ACVRL1: variants seen among roughly 807,000 people sequenced by gnomAD.
ACVRL1 encodes the protein activin receptor type-1-like.
ACVRL1 carries 20 observed loss-of-function variants against 51.9 expected under a neutral mutation model. The observed-to-expected ratio is 0.39, with a 90% CI of 0.27 to 0.56. The LOEUF (loss-of-function observed/expected upper bound fraction) is 0.56. ACVRL1 is among the 20% of genes least tolerant of loss of function. The pLI is 0.67. For missense variants in ACVRL1, 451 were observed against 670.3 expected (o/e 0.67, Z 3.61); for synonymous variants, 288 against 280.9 (o/e 1.03, Z -0.25).
rs1335166835 is a variant in ACVRL1 at position 51,922,903 on chromosome 12, A to G, written c.*2010A>G. On this transcript the variant is annotated 3_prime_UTR_variant, in exon 10 of 10. Transcript: ENST00000388922. The stretch of plus-strand genomic sequence containing the variant: ...TGCAAGGCTCGGAAGAGAACCAGGA[A>G]GTGAAACTGGGTGAAAACAGAAAGC... 2.0e-5 allele frequency: 3 copies of G among 152,664 alleles called. No homozygotes were observed. Among genetic ancestry groups the G allele is most frequent in the African/African-American group, 7.2e-5 (3 of 41,430 alleles). 9.5% of individuals were successfully genotyped at this position (152,664 alleles called of 1,614,324 possible).
intron 8 of ACVRL1, among the ~76,000 whole-genome samples, chr12:51,918,235 T>A (rs1251008868): frequency 6.6e-6 from 1 of 152,232 alleles, no homozygotes; most frequent in Admixed American, 6.5e-5. Flanking sequence ...TCCCTGACAC[T>A]GGGTGATGTT....
intron 1 of ACVRL1, among the ~76,000 whole-genome samples, chr12:51,909,462 C>G (rs11169952): frequency 0.066 from 10,095 of 152,146 alleles, 540 homozygotes; most frequent in Non-Finnish European, 0.095. Context: ...CCACTGCACT[C>G]CAGCCTGGGC....
rs1166408521 is a variant in ACVRL1 at position 51,920,941 on chromosome 12, G to T, written c.*48G>T. 1.6e-6 allele frequency: 1 copy of T among 624,788 alleles called. No homozygotes were observed. The highest frequency in any genetic ancestry group is 3.0e-6 in the Non-Finnish European group (1 of 338,010). 38.7% of individuals were successfully genotyped at this position (624,788 alleles called of 1,614,324 possible). A position where few individuals can be genotyped will look rare whatever the true frequency, so the allele number is the denominator to read the frequency against. ...CTGCCTGCAGGGGGCTGGGGGGGTG[G>T]GGGGCAGTGGATGGTGCCCTATCTG... is the stretch of plus-strand genomic sequence containing the variant. On this transcript the variant is annotated 3_prime_UTR_variant, in exon 10 of 10. Coordinates refer to ENST00000388922, the MANE Select transcript of ACVRL1 (RefSeq NM_000020.3).
chr12:51,913,115 G>T lies in ACVRL1; in HGVS notation c.78G>T (p.Pro26=). The T allele has an allele frequency of 3.7e-6, 6 of 1,605,542 alleles. No individual in the cohort carries two copies. The highest frequency in any genetic ancestry group is 5.1e-6 in the Non-Finnish European group (6 of 1,179,192). Residue 26 remains proline (P), a synonymous_variant, in exon 3 of 10, where the codon CCG becomes CCT. Transcript: ENST00000388922. Reference sequence around the variant, plus strand: ...GTCTTCCAGGAGACCCTGTGAAGCCGTCTCGGGGCCCGCTGGTGACCTGCA... The same window carrying T: ...GTCTTCCAGGAGACCCTGTGAAGCCTTCTCGGGGCCCGCTGGTGACCTGCA... The part of the protein sequence containing the change: ...ALVTQGDPVK[P]SRGPLVTCTC...
At chr12:51,907,168 C>A (rs1370545973), upstream of ACVRL1, among the ~76,000 whole-genome samples, 1 of 152,108 alleles carries the variant, frequency 6.6e-6, no homozygotes, top group Non-Finnish European at 1.5e-5. This position sits in a 1 kb window ranked among gnomAD's most constrained non-coding sequence, Gnocchi z 4.5. Flanking sequence ...CTGTCTCCCA[C>A]GGCTGTGGGT....
At chr12:51,919,219 A>G (rs778310427) in intron 9 of ACVRL1, 104 bp downstream of exon 9, 96 of 1,557,640 alleles carry the variant, frequency 6.2e-5, no homozygotes, top group Non-Finnish European at 8.0e-5. Context: ...TCTCATAGAT[A>G]CTGAGTGTCC....
chr12:51,913,068 A>T (rs778150291), intron 2 of ACVRL1, 31 bp from the exon 3 acceptor site: 7 of 1,594,014 alleles, frequency 4.4e-6, no homozygotes, highest in Non-Finnish European at 5.9e-6. Flanking sequence ...AGCTGGGACC[A>T]CAGTGGCTGA....
In ACVRL1 at chr12:51,917,637, C is replaced by T. The variant is rs540578121; in HGVS notation, c.1247-1348C>T. Among the ~76,000 whole-genome samples, 26 of 152,264 alleles carry T rather than the reference C, an allele frequency of 1.7e-4. No homozygotes were observed. Among genetic ancestry groups the T allele is most frequent in the African/African-American group, 5.3e-4 (22 of 41,554 alleles). On this transcript the variant is annotated intron_variant, in intron 8 of 9. Transcript: ENST00000388922. This position sits in a 1 kb window ranked among gnomAD's most constrained non-coding sequence, Gnocchi z 4.2. ...CCCCATGCCAGACTTCATTTGTCCTCGGTGGTCATCAACTGAAAACAGAGG... is the reference window on the plus strand; with the variant it reads ...CCCCATGCCAGACTTCATTTGTCCTTGGTGGTCATCAACTGAAAACAGAGG...
At position 51,917,682 on chromosome 12, in the gene ACVRL1, T is replaced by C. The variant is rs923841940; in HGVS notation, c.1247-1303T>C. On this transcript the variant is annotated intron_variant, in intron 8 of 9. Transcript: ENST00000388922. The surrounding 1 kb of genome is among the most constrained non-coding windows in gnomAD (Gnocchi z 4.2). Reference sequence around the variant, plus strand: ...CAGAGGCTGTGGTGTCACCGGTCCCTTGGGGAGACTCACGAGGTGCTTAGA... The same window carrying C: ...CAGAGGCTGTGGTGTCACCGGTCCCCTGGGGAGACTCACGAGGTGCTTAGA... 1.3e-5 allele frequency among the ~76,000 whole-genome samples: 2 copies of C among 152,090 alleles called. No homozygotes were observed. The highest frequency in any genetic ancestry group is 4.8e-5 in the African/African-American group (2 of 41,410).
At chr12:51,908,362 T>C (rs1565590436) in intron 1 of ACVRL1, among the ~76,000 whole-genome samples, 2 of 152,210 alleles carry the variant, frequency 1.3e-5, no homozygotes, top group African/African-American at 2.4e-5. Flanking sequence ...AGGGGCATAA[T>C]GGACAGTTGC....
At chr12:51,908,433 C>T (rs7969275) in intron 1 of ACVRL1, among the ~76,000 whole-genome samples, 14,106 of 152,246 alleles carry the variant, frequency 0.093, 777 homozygotes, top group Admixed American at 0.16. Context: ...TAATACCTGT[C>T]CTCTCACCTG....
intron 9 of ACVRL1, among the ~76,000 whole-genome samples, chr12:51,920,276 C>A (rs1940940266): frequency 1.3e-5 from 2 of 152,236 alleles, no homozygotes; most frequent in Non-Finnish European, 2.9e-5. Flanking sequence ...GGCTGGAAGA[C>A]ACTGCCCTCT....
Position 51,920,802 on chromosome 12 carries a change from C to A in ACVRL1, c.1421C>A (p.Pro474Gln). The A allele has an allele frequency of 6.2e-7, 1 of 1,614,066 alleles. No individual in the cohort carries two copies. The highest frequency in any genetic ancestry group is 8.5e-7 in the Non-Finnish European group (1 of 1,180,030). Reference sequence around the variant, plus strand: ...CAGATGATGCGGGAGTGCTGGTACCCAAACCCCTCTGCCCGACTCACCGCG... The same window carrying A: ...CAGATGATGCGGGAGTGCTGGTACCAAAACCCCTCTGCCCGACTCACCGCG... Reference protein sequence around the residue: ...LAQMMRECWYPNPSARLTALR... With the variant: ...LAQMMRECWYQNPSARLTALR... Residue 474 changes from proline to glutamine, a missense_variant, in exon 10 of 10, where the codon CCA becomes CAA. Around this residue, in one of 2 missense-constraint regions of ACVRL1, gnomAD observed 259 missense variants for 453.4 expected, o/e 0.57. Transcript: ENST00000388922.
chr12:51,920,939 T>TGGGGGGTG lies in ACVRL1; in HGVS notation c.*52_*53insTGGGGGGG. 3.8e-6 allele frequency: 1 copy of TGGGGGGTG among 262,672 alleles called. No individual in the cohort carries two copies. The highest frequency in any genetic ancestry group is 4.4e-5 in the Admixed American group (1 of 22,636). The allele number at this position is 262,672 out of a possible 1,614,324, so 16.3% of individuals were successfully genotyped here. A position where few individuals can be genotyped will look rare whatever the true frequency, so the allele number is the denominator to read the frequency against. On this transcript the variant is annotated 3_prime_UTR_variant, in exon 10 of 10. Transcript: ENST00000388922. ...TTCTGCCTGCAGGGGGCTGGGGGGG[T>TGGGGGGTG]GGGGGGCAGTGGATGGTGCCCTATC...
chr12:51,921,222 T>A lies in ACVRL1; in HGVS notation c.*329T>A. On this transcript the variant is annotated 3_prime_UTR_variant, in exon 10 of 10. Coordinates refer to ENST00000388922, the MANE Select transcript of ACVRL1 (RefSeq NM_000020.3). ...AGAGTGCCAAGCCAGGGAATCCCAG[T>A]CCCAGACTCAGAGCCCGGGCCTGCA... The A allele has an allele frequency of 2.6e-6, 1 of 382,468 alleles. No individual in the cohort carries two copies. The highest frequency in any genetic ancestry group is 6.4e-5 in the East Asian group (1 of 15,724). The allele number at this position is 382,468 out of a possible 1,614,324, so 23.7% of individuals were successfully genotyped here. A position where few individuals can be genotyped will look rare whatever the true frequency, so the allele number is the denominator to read the frequency against.
rs1940814466 is a variant in ACVRL1, at chr12:51,915,507, C to T, written c.1048+7C>T. ...TGTTGCATCGCCGACCTGGGTGAGC[C>T]GGGCGGGGCAGGGGCGCGCCCTTCA... On this transcript the variant is annotated splice_region_variant and intron_variant, in intron 7 of 9. Transcript: ENST00000388922. 1.9e-6 allele frequency: 3 copies of T among 1,604,546 alleles called. No homozygotes were observed. Among genetic ancestry groups the T allele is most frequent in the Non-Finnish European group, 1.7e-6 (2 of 1,174,554 alleles).
intron 9 of ACVRL1, chr12:51,919,363 CTGTGTGTGTG>C (rs55945390): frequency 2.4e-4 from 92 of 387,678 alleles, no homozygotes; most frequent in African/African-American, 6.7e-4. Flanking sequence ...ATCTGTGGCT[CTGTGTGTGTG>C]TGTGTGTGTG....
In ACVRL1 at chr12:51,921,691, T is replaced by C. The variant is rs1010252016; in HGVS notation, c.*798T>C. On this transcript the variant is annotated 3_prime_UTR_variant, in exon 10 of 10. Coordinates refer to ENST00000388922, the MANE Select transcript of ACVRL1 (RefSeq NM_000020.3). The stretch of plus-strand genomic sequence containing the variant: ...TCTGACCCCGGATGTTTGCTCCATG[T>C]GACAAAAGCAGGCCTGTCTCAGGAC... The C allele has an allele frequency of 3.9e-5, 6 of 152,056 alleles. No homozygotes were observed. Among genetic ancestry groups the C allele is most frequent in the African/African-American group, 1.5e-4 (6 of 41,364 alleles). The allele number at this position is 152,056 out of a possible 1,614,324, so 9.4% of individuals were successfully genotyped here.
At chr12:51,918,875 A>G (rs1029561785) in intron 8 of ACVRL1, 110 bp from the exon 9 acceptor site, 13 of 1,508,200 alleles carry the variant, frequency 8.6e-6, no homozygotes, top group Admixed American at 1.7e-5. Context: ...TAGCGTGTCC[A>G]GGCCACTGGT....
Sources: allele counts gnomAD v4.1 joint callset (sites outside exome capture counted in the v4.1 genomes callset), GRCh38; gene constraint gnomAD v4.1.1; regional missense constraint gnomAD v4.1.1; non-coding constraint Gnocchi (gnomAD v3.1); transcripts MANE v1.5; gene names NCBI Gene and HGNC (gene_info 2026-07-23, HGNC 2026-07-21).